The following RAP1GAP variants were observed in gnomAD, a reference collection of about 807,000 sequenced individuals.
RAP1GAP encodes rap1 GTPase-activating protein 1.
RAP1GAP carries 35 observed loss-of-function variants against 87.2 expected under a neutral mutation model. That is an observed-to-expected ratio of 0.40 (90% CI 0.31 to 0.53). RAP1GAP has a LOEUF of 0.53. Among genes scored for constraint, RAP1GAP ranks in the 20% least tolerant of loss-of-function variants. RAP1GAP has a pLI of 0.48. For synonymous variants in RAP1GAP, 375 were observed against 363.9 expected, an observed-to-expected ratio of 1.03 and a Z score of -0.35; for missense variants, 734 against 898.9, an observed-to-expected ratio of 0.82 and a Z score of 2.35.
chr1:21,650,277 G>A (rs1178911994), intron 1 of RAP1GAP, among the ~76,000 whole-genome samples: 2 of 152,128 alleles, frequency 1.3e-5, no homozygotes, highest in East Asian at 3.9e-4. Flanking sequence ...TATCCACCCA[G>A]GAAGCAAATG....
At chr1:21,608,997 G>T in intron 15 of RAP1GAP, 61 bp from the exon 16 acceptor site, 2 of 1,426,132 alleles carry the variant, frequency 1.4e-6, no homozygotes, top group African/African-American at 1.4e-5. Context: ...ATAAACAAGG[G>T]TCGGAACCCC....
At chr1:21,658,941 CTTT>C (rs35740242) in intron 1 of RAP1GAP, among the ~76,000 whole-genome samples, 1 of 132,404 alleles carries the variant, frequency 7.6e-6, no homozygotes, top group Non-Finnish European at 1.6e-5. Context: ...ATGAAGAACG[CTTT>C]TTTTTTTTTT....
rs184171452 is a variant in RAP1GAP, at chr1:21,628,775, C to T, written c.-112-2378G>A. On this transcript the variant is annotated intron_variant, in intron 2 of 24. Transcript: ENST00000374765. The stretch of plus-strand genomic sequence containing the variant: ...CAGTGGTGGGCACCTATAACCCCAG[C>T]TACTTGGGAGGCTGAGGCAGGAGAA... Among the ~76,000 whole-genome samples the T allele has an allele frequency of 1.1e-4, 17 of 152,178 alleles. No individual in the cohort carries two copies. The East Asian group carries it at 3.1e-3, about 28-fold the overall frequency.
chr1:21,648,415 A>T (rs1468807041), intron 2 of RAP1GAP, among the ~76,000 whole-genome samples: 1 of 152,218 alleles, frequency 6.6e-6, no homozygotes, highest in African/African-American at 2.4e-5. Flanking sequence ...GGCTCTGCAC[A>T]GAGTCTGGAA....
Position 21,614,069 on chromosome 1 carries a change from T to C in RAP1GAP, c.312A>G (p.Ser104=), listed in dbSNP as rs200825974. 14 of 1,606,974 alleles carry C rather than the reference T, an allele frequency of 8.7e-6. No individual in the cohort carries two copies. The highest frequency in any genetic ancestry group is 1.2e-5 in the Non-Finnish European group (14 of 1,174,946). The part of the protein sequence containing the change: ...FLGKEHFNYY[S]LDAALGHLVF... ...CAAGGTGGCCGAGGGCAGCGTCCAG[T>C]GAGTAGTAATTGAAATGCTCCTGCA... Residue 104 remains serine, a synonymous_variant, in exon 8 of 25, where the codon TCA becomes TCG. Coordinates refer to ENST00000374765, the MANE Select transcript of RAP1GAP (RefSeq NM_002885.4).
At chr1:21,604,671 TTG>T (rs2072460573) in intron 18 of RAP1GAP, among the ~76,000 whole-genome samples, 1 of 151,928 alleles carries the variant, frequency 6.6e-6, no homozygotes. Context: ...GACAGTGTGC[TTG>T]GTGACTGCTG....
chr1:21,650,423 C>A (rs565771565), intron 1 of RAP1GAP, among the ~76,000 whole-genome samples: 1 of 152,226 alleles, frequency 6.6e-6, no homozygotes, highest in East Asian at 1.9e-4. Context: ...CCCCAGGACG[C>A]ATGTGTGGGT....
At chr1:21,658,282 G>C (rs2096943459) in intron 1 of RAP1GAP, among the ~76,000 whole-genome samples, 2 of 152,150 alleles carry the variant, frequency 1.3e-5, no homozygotes, top group South Asian at 4.1e-4. Flanking sequence ...TAAATCTAAG[G>C]GTAGGCCGGG....
chr1:21,599,466 G>A (rs771730487), intron 21 of RAP1GAP, 28 bp downstream of exon 21: 4 of 1,595,692 alleles, frequency 2.5e-6, no homozygotes, highest in Middle Eastern at 3.3e-4. Flanking sequence ...AGCTCCTGTG[G>A]GGCCCCTGAC....
At position 21,600,713 on chromosome 1, in the gene RAP1GAP, C is replaced by T. The variant is rs193210963; in HGVS notation, c.1652+971G>A. Among the ~76,000 whole-genome samples the T allele has an allele frequency of 2.3e-3, 350 of 151,912 alleles. 2 individuals carry two copies. The highest frequency in any genetic ancestry group is 7.9e-3 in the African/African-American group (328 of 41,396). On this transcript the variant is annotated intron_variant, in intron 20 of 24. Coordinates refer to ENST00000374765, the MANE Select transcript of RAP1GAP (RefSeq NM_002885.4). Reference sequence around the variant, plus strand: ...CATCCTGGCTAACACGGTGAAACCCCGTATCTACTAAAAATACAAAAATTA... The same window carrying T: ...CATCCTGGCTAACACGGTGAAACCCTGTATCTACTAAAAATACAAAAATTA...
intron 2 of RAP1GAP, among the ~76,000 whole-genome samples, chr1:21,627,480 A>T (rs1365424500): frequency 7.3e-6 from 1 of 137,282 alleles, no homozygotes; most frequent in Non-Finnish European, 1.5e-5. Flanking sequence ...AAATGGCTTG[A>T]TCTCGGCTCA....
At chr1:21,597,766 C>G (rs200465776) in intron 23 of RAP1GAP, 38 bp from the exon 24 acceptor site, 1 of 1,611,366 alleles carries the variant, frequency 6.2e-7, no homozygotes, top group South Asian at 1.1e-5. Context: ...GGTGGCAAGA[C>G]GGGAGAAGCA....
intron 20 of RAP1GAP, 134 bp downstream of exon 20, chr1:21,601,550 A>G (rs2068537090): frequency 5.4e-6 from 3 of 558,766 alleles, no homozygotes; most frequent in Non-Finnish European, 8.9e-6. Context: ...AGGGCCCCAG[A>G]GAATGCCCAG....
Position 21,599,587 on chromosome 1 carries a change from C to G in RAP1GAP, c.1683G>C (p.Ala561=), listed in dbSNP as rs536126430. ...ACGAGGAGCGGGAGAAGTCCTTGAG[C>G]GCCTCTGCTCTCTGCGCTGCGGTCT... ...RAETAAQRAE[A]LKDFSRSSSS... Residue 561 remains alanine, a synonymous_variant, in exon 21 of 25, where the codon GCG becomes GCC. Transcript: ENST00000374765. 6.2e-7 allele frequency: 1 copy of G among 1,607,972 alleles called. No individual in the cohort carries two copies. Among genetic ancestry groups the G allele is most frequent in the South Asian group, 1.1e-5 (1 of 91,070 alleles).
At chr1:21,664,520 G>A (rs751482678) in intron 1 of RAP1GAP, among the ~76,000 whole-genome samples, 41 of 152,246 alleles carry the variant, frequency 2.7e-4, no homozygotes, top group Non-Finnish European at 5.0e-4. Context: ...TGCCCACGCC[G>A]TAGCTGGTCT....
At chr1:21,639,301 CT>C (rs1000176768) in intron 2 of RAP1GAP, among the ~76,000 whole-genome samples, 1 of 152,218 alleles carries the variant, frequency 6.6e-6, no homozygotes, top group African/African-American at 2.4e-5. Context: ...CTCTAAATAA[CT>C]TTCTGTGTTG....
At position 21,668,880 on chromosome 1, in the gene RAP1GAP, G is replaced by A. The variant is rs1204443112; in HGVS notation, c.-149+374C>T. 6.6e-6 allele frequency among the ~76,000 whole-genome samples: 1 copy of A among 151,684 alleles called. No homozygotes were observed. The highest frequency in any genetic ancestry group is 2.4e-5 in the African/African-American group (1 of 41,304). On this transcript the variant is annotated intron_variant, in intron 1 of 24. Transcript: ENST00000374765. This position sits in a 1 kb window ranked among gnomAD's most constrained non-coding sequence, Gnocchi z 6.2. The stretch of plus-strand genomic sequence containing the variant: ...CCCTCCCCAGGGATGGAGGAAACGC[G>A]CCCACTTCCCACAGTCCCTCCTCTA...
In RAP1GAP at chr1:21,612,066, T is replaced by A. The variant is rs949391122; in HGVS notation, c.572A>T (p.Asn191Ile). The A allele has an allele frequency of 6.4e-7, 1 of 1,554,718 alleles. No individual in the cohort carries two copies. Among genetic ancestry groups the A allele is most frequent in the Non-Finnish European group, 8.7e-7 (1 of 1,148,460 alleles). The change falls in exon 11 of 25, where the codon AAT becomes ATT. Residue 191 changes from asparagine (N) to isoleucine (I), a missense_variant. By Grantham distance (149) the Asn-to-Ile change is moderately radical. Coordinates refer to ENST00000374765, the MANE Select transcript of RAP1GAP (RefSeq NM_002885.4). ...IVTFDEHVIS[N>I]NFKFGVIYQK... ...ATAAATGACGCCAAACTTGAAGTTA[T>A]TGCTGATGACATGCTCGTCAAAGGT...
intron 2 of RAP1GAP, among the ~76,000 whole-genome samples, chr1:21,645,289 C>A (rs963590240): frequency 6.6e-6 from 1 of 152,074 alleles, no homozygotes; most frequent in Non-Finnish European, 1.5e-5. Context: ...AAATGACCCC[C>A]AGCTCAATCG....
Sources: allele counts gnomAD v4.1 joint callset (sites outside exome capture counted in the v4.1 genomes callset), GRCh38; gene constraint gnomAD v4.1.1; non-coding constraint Gnocchi (gnomAD v3.1); transcripts MANE v1.5; gene names NCBI Gene and HGNC (gene_info 2026-07-23, HGNC 2026-07-21).